Variants in KIAA1671 observed in about 807,000 individuals in gnomAD.
KIAA1671 encodes the protein uncharacterized protein KIAA1671.
Under a neutral mutation model 131.2 loss-of-function variants are expected in KIAA1671, and 52 were observed. The observed-to-expected ratio is 0.40, with a 90% CI of 0.32 to 0.50. The LOEUF (loss-of-function observed/expected upper bound fraction) is 0.50. Among genes scored for constraint, KIAA1671 ranks in the 20% least tolerant of loss-of-function variants. The probability of loss-of-function intolerance (pLI) is 0.73; values close to 1 mark genes in which losing one functional copy is unlikely to be tolerated. For synonymous variants in KIAA1671, 1,003 were observed against 961.6 expected (o/e 1.04, Z -0.80); for missense variants, 2,360 against 2,364.2 (o/e 1.00, Z 0.04).
chr22:24,979,361 T>TA (rs1923103444), intron 1 of KIAA1671, among the ~76,000 whole-genome samples: 1 of 147,344 alleles, frequency 6.8e-6, no homozygotes, highest in African/African-American at 2.5e-5. Flanking sequence ...TTTATTTATT[T>TA]TTTTTTGAGA....
chr22:25,183,911 C>T (rs929083303), intron 10 of KIAA1671, among the ~76,000 whole-genome samples: 2 of 146,160 alleles, frequency 1.4e-5, no homozygotes, highest in Non-Finnish European at 3.0e-5. Context: ...GGTAGCCTAA[C>T]GCAGGAGGCA....
intron 6 of KIAA1671, among the ~76,000 whole-genome samples, chr22:25,129,078 G>A (rs932626435): frequency 1.3e-5 from 2 of 151,948 alleles, no homozygotes; most frequent in Non-Finnish European, 2.9e-5. Context: ...TCTGTGCTCT[G>A]TCAGTCCTTT....
chr22:25,088,802 T>A (rs899848799), intron 6 of KIAA1671, among the ~76,000 whole-genome samples: 20 of 152,296 alleles, frequency 1.3e-4, no homozygotes, highest in Non-Finnish European at 2.8e-4. Context: ...TGTCTCCTTT[T>A]GAAAATATTC....
chr22:25,179,488 C>T (rs571476010), intron 9 of KIAA1671: 138 of 1,612,744 alleles, frequency 8.6e-5, no homozygotes, highest in Non-Finnish European at 1.1e-4. Context: ...CCTCCAGCGC[C>T]TTGTGCAGCA....
At chr22:25,118,259 C>G (rs1056321751) in intron 6 of KIAA1671, among the ~76,000 whole-genome samples, 1 of 152,044 alleles carries the variant, frequency 6.6e-6, no homozygotes, top group African/African-American at 2.4e-5. Flanking sequence ...GGCTTGTGGC[C>G]ACATCACCCC....
At chr22:25,001,261 G>A (rs1282264134) in intron 1 of KIAA1671, among the ~76,000 whole-genome samples, 3 of 151,792 alleles carry the variant, frequency 2.0e-5, no homozygotes, top group Non-Finnish European at 2.9e-5. Context: ...GTATGTGTGT[G>A]TATATATATG....
intron 4 of KIAA1671, among the ~76,000 whole-genome samples, chr22:25,033,410 TAAAAC>T (rs1309344806): frequency 6.6e-6 from 1 of 151,646 alleles, no homozygotes; most frequent in African/African-American, 2.4e-5. Context: ...AAATGTAAAT[TAAAAC>T]AAAAAGAAGT....
intron 6 of KIAA1671, among the ~76,000 whole-genome samples, chr22:25,151,817 C>G (rs1036649715): frequency 6.6e-6 from 1 of 152,080 alleles, no homozygotes; most frequent in Non-Finnish European, 1.5e-5. Context: ...TGACTCACTA[C>G]AGCCTCTGCC....
At chr22:25,062,333 C>T (rs543415365) in intron 6 of KIAA1671, 8 of 152,226 alleles carry the variant, frequency 5.3e-5, no homozygotes, top group African/African-American at 1.2e-4. Flanking sequence ...AAAATTCACT[C>T]GATTGAAGTG....
chr22:25,185,288 A>G, intron 11 of KIAA1671, 169 bp downstream of exon 11: 1 of 779,882 alleles, frequency 1.3e-6, no homozygotes, highest in South Asian at 2.2e-5. Flanking sequence ...AGATACCTAA[A>G]AAGTACAACA....
At chr22:25,098,531 C>T (rs1051423539) in intron 6 of KIAA1671, among the ~76,000 whole-genome samples, 1 of 150,580 alleles carries the variant, frequency 6.6e-6, no homozygotes, top group Non-Finnish European at 1.5e-5. Context: ...GTGATAGGGT[C>T]TGGAGAGTAA....
At chr22:24,983,403 A>G (rs904028706) in intron 1 of KIAA1671, among the ~76,000 whole-genome samples, 4 of 152,064 alleles carry the variant, frequency 2.6e-5, no homozygotes, top group Admixed American at 2.0e-4. Flanking sequence ...CTTTTTTTAT[A>G]AGGACACTAG....
chr22:24,958,980 C>CAAA (rs59084421), intron 1 of KIAA1671, among the ~76,000 whole-genome samples: 15 of 77,552 alleles, frequency 1.9e-4, no homozygotes, highest in African/African-American at 5.3e-4. Context: ...AACTTCGTAT[C>CAAA]AAAAAAAAAA....
intron 11 of KIAA1671, among the ~76,000 whole-genome samples, chr22:25,187,625 C>T (rs764919353): frequency 6.6e-6 from 1 of 152,146 alleles, no homozygotes; most frequent in African/African-American, 2.4e-5. Flanking sequence ...CCTCCCACCT[C>T]AGCCTCCATG....
At chr22:25,187,839 A>T (rs1934530028) in intron 11 of KIAA1671, among the ~76,000 whole-genome samples, 1 of 152,176 alleles carries the variant, frequency 6.6e-6, no homozygotes, top group Admixed American at 6.5e-5. Context: ...TTCTCATTAT[A>T]AGAAATTCTG....
At chr22:25,162,752 T>C (rs1409057277) in intron 6 of KIAA1671, among the ~76,000 whole-genome samples, 1 of 152,228 alleles carries the variant, frequency 6.6e-6, no homozygotes, top group Non-Finnish European at 1.5e-5. Flanking sequence ...TAAAGTTTTA[T>C]TGGGACACAG....
chr22:25,116,997 T>TG (rs1931698377), intron 6 of KIAA1671, among the ~76,000 whole-genome samples: 1 of 152,168 alleles, frequency 6.6e-6, no homozygotes, highest in South Asian at 2.1e-4. Flanking sequence ...TTTATGGCTG[T>TG]GGGGGGTAAG....
chr22:25,112,871 C>T (rs1345943792), intron 6 of KIAA1671, among the ~76,000 whole-genome samples: 1 of 152,120 alleles, frequency 6.6e-6, no homozygotes, highest in Non-Finnish European at 1.5e-5. Context: ...GTCATGTGCA[C>T]GCTGAGTTGT....
chr22:24,965,758 A>G lies in KIAA1671; in HGVS notation c.-208+12986A>G, dbSNP rs796478730. On this transcript the variant is annotated intron_variant, in intron 1 of 12. Coordinates refer to ENST00000358431, the MANE Select transcript of KIAA1671 (RefSeq NM_001145206.2). ...TCCATCTCAAAAAAAAAAAAAAAAA[A>G]AAAGAAAAGGATGAGCTTAAGGTTT... Among the ~76,000 whole-genome samples the G allele has an allele frequency of 8.3e-3, 1,236 of 149,242 alleles. 16 individuals are homozygous for G. The highest frequency in any genetic ancestry group is 0.029 in the African/African-American group (1,116 of 38,964).
Sources: allele counts gnomAD v4.1 joint callset (sites outside exome capture counted in the v4.1 genomes callset), GRCh38; gene constraint gnomAD v4.1.1; transcripts MANE v1.5; gene names NCBI Gene and HGNC (gene_info 2026-07-23, HGNC 2026-07-21).